Variants in B3GAT2 observed in about 807,000 individuals in gnomAD.
The protein encoded by B3GAT2 is beta-1,3-glucuronyltransferase 2.
In B3GAT2, 26 loss-of-function variants were observed where a neutral mutation model predicts 27.8. The ratio of observed to expected loss-of-function variants is 0.93; its 90% confidence interval spans 0.68 to 1.30. B3GAT2 has a LOEUF of 1.30. Among genes scored for constraint, B3GAT2 ranks in the 50% most tolerant of loss-of-function variants. The pLI is 0.00. For missense variants in B3GAT2, 458 were observed against 459.0 expected, an observed-to-expected ratio of 1.00 and a Z score of 0.02; for synonymous variants, 218 against 195.1, an observed-to-expected ratio of 1.12 and a Z score of -0.98.
At chr6:70,950,206 AT>A in intron 1 of B3GAT2, among the ~76,000 whole-genome samples, 1 of 151,880 alleles carries the variant, frequency 6.6e-6, no homozygotes, top group Non-Finnish European at 1.5e-5. Flanking sequence ...AAGTATAATA[AT>A]AATAAAATAA....
chr6:70,903,701 A>G (rs1399024897), intron 1 of B3GAT2, among the ~76,000 whole-genome samples: 1 of 152,196 alleles, frequency 6.6e-6, no homozygotes, highest in Non-Finnish European at 1.5e-5. Flanking sequence ...TAAAGCCACT[A>G]CTGACCCACC....
chr6:70,904,335 G>A (rs753121214), intron 1 of B3GAT2, among the ~76,000 whole-genome samples: 1 of 152,136 alleles, frequency 6.6e-6, no homozygotes, highest in Non-Finnish European at 1.5e-5. Context: ...TTTCGTTTAG[G>A]TAAACTATAC....
chr6:70,949,885 T>C (rs1260532094), intron 1 of B3GAT2, among the ~76,000 whole-genome samples: 1 of 152,062 alleles, frequency 6.6e-6, no homozygotes, highest in Non-Finnish European at 1.5e-5. Context: ...TAAAAAATGA[T>C]GAGTTCATGT....
chr6:70,947,394 G>C (rs1215787496), intron 1 of B3GAT2, among the ~76,000 whole-genome samples: 1 of 151,918 alleles, frequency 6.6e-6, no homozygotes, highest in Non-Finnish European at 1.5e-5. Context: ...AATGATAAAG[G>C]GGATATCACC....
intron 1 of B3GAT2, among the ~76,000 whole-genome samples, chr6:70,901,931 CAT>C (rs1397805415): frequency 6.6e-6 from 1 of 152,072 alleles, no homozygotes; most frequent in Non-Finnish European, 1.5e-5. Flanking sequence ...AACCATGAGA[CAT>C]GTGAGAAAGG....
chr6:70,900,404 C>T (rs866086557), intron 1 of B3GAT2, among the ~76,000 whole-genome samples: 5 of 130,526 alleles, frequency 3.8e-5, no homozygotes, highest in South Asian at 2.6e-4. Flanking sequence ...TAACAACAAC[C>T]GGCTCTTTTT....
chr6:70,939,894 T>A (rs982175140), intron 1 of B3GAT2, among the ~76,000 whole-genome samples: 1 of 151,858 alleles, frequency 6.6e-6, no homozygotes, highest in Non-Finnish European at 1.5e-5. Flanking sequence ...TAAAGTATAA[T>A]AATAATAAAA....
intron 2 of B3GAT2, among the ~76,000 whole-genome samples, chr6:70,876,545 T>A (rs1273685243): frequency 5.3e-5 from 8 of 152,232 alleles, no homozygotes; most frequent in African/African-American, 1.9e-4. Context: ...GCTATCATCT[T>A]ATACGGTTAT....
intron 1 of B3GAT2, among the ~76,000 whole-genome samples, chr6:70,919,041 G>A (rs1483224471): frequency 1.3e-5 from 2 of 152,122 alleles, no homozygotes; most frequent in Admixed American, 6.5e-5. Flanking sequence ...CCAATCAAAC[G>A]TAGATTTGGT....
intron 2 of B3GAT2, among the ~76,000 whole-genome samples, chr6:70,875,522 TG>T (rs1772001699): frequency 6.6e-6 from 1 of 152,236 alleles, no homozygotes; most frequent in South Asian, 2.1e-4. Flanking sequence ...TCATATGTCA[TG>T]AAGTGTTCTT....
At chr6:70,931,770 C>T (rs1325865079) in intron 1 of B3GAT2, among the ~76,000 whole-genome samples, 1 of 152,116 alleles carries the variant, frequency 6.6e-6, no homozygotes, top group Non-Finnish European at 1.5e-5. Context: ...AGATATATAA[C>T]ACCAAAAGCA....
chr6:70,945,447 G>A (rs1358911761), intron 1 of B3GAT2, among the ~76,000 whole-genome samples: 2 of 152,048 alleles, frequency 1.3e-5, no homozygotes, highest in Non-Finnish European at 2.9e-5. Context: ...AGGAGCTGAT[G>A]CGATCAACTG....
chr6:70,932,225 G>A (rs528510102), intron 1 of B3GAT2, among the ~76,000 whole-genome samples: 2 of 152,078 alleles, frequency 1.3e-5, no homozygotes, highest in Non-Finnish European at 2.9e-5. Flanking sequence ...TAACTGCTAT[G>A]GAAAACAGTA....
At position 70,857,487 on chromosome 6, in the gene B3GAT2, A is replaced by G. The variant is rs1008981964; in HGVS notation, c.*4176T>C. On this transcript the variant is annotated 3_prime_UTR_variant, in exon 4 of 4. Coordinates refer to ENST00000230053, the MANE Select transcript of B3GAT2 (RefSeq NM_080742.3). ...TTTAATCTTTCACACCATTTCCTTT[A>G]AAATAATGAGCTGCATTTCACATGT... is the stretch of plus-strand genomic sequence containing the variant. 1 of 171,020 alleles carries G rather than the reference A, an allele frequency of 5.8e-6. No individual in the cohort carries two copies. Among genetic ancestry groups the G allele is most frequent in the Non-Finnish European group, 1.3e-5 (1 of 79,616 alleles). 10.6% of individuals were successfully genotyped at this position (171,020 alleles called of 1,614,324 possible). A position where few individuals can be genotyped will look rare whatever the true frequency, so the allele number is the denominator to read the frequency against.
At chr6:70,930,075 A>G (rs1459931293) in intron 1 of B3GAT2, among the ~76,000 whole-genome samples, 1 of 152,224 alleles carries the variant, frequency 6.6e-6, no homozygotes, top group African/African-American at 2.4e-5. Context: ...AAACCTGACA[A>G]AAACAAGAAA....
chr6:70,891,748 TTGTGTGTGTGTG>T (rs147352529), intron 2 of B3GAT2, among the ~76,000 whole-genome samples: 9 of 144,644 alleles, frequency 6.2e-5, no homozygotes, highest in Admixed American at 2.8e-4. Flanking sequence ...AGAGCTCAGA[TTGTGTGTGTGTG>T]TGTGTGTGTG....
chr6:70,943,400 A>G lies in B3GAT2; in HGVS notation c.591+12439T>C, dbSNP rs1765423724. On this transcript the variant is annotated intron_variant, in intron 1 of 3. Transcript: ENST00000230053. ...TCCCAGAAGGAGCCATCTCAGCCAC[A>G]TTGGCTTCAGCGCAAATTGGCTCAG... 2.0e-5 allele frequency among the ~76,000 whole-genome samples: 3 copies of G among 152,162 alleles called. No homozygotes were observed. In the South Asian group the frequency reaches 6.2e-4, roughly 32 times the overall value.
rs1405889567 is a variant in B3GAT2 at position 70,861,918 on chromosome 6, C to G, written c.797G>C (p.Gly266Ala). The part of the protein sequence containing the change: ...SNPKAVFKRR[G>A]SQPGMQESDF... ...AGATTCTTGCATCCCTGGCTGGGAT[C>G]CACGACGCTTAAATACAGCTTTTGG... The change falls in exon 3 of 4, where the codon GGA (glycine) becomes GCA (alanine). Residue 266 changes from glycine (G) to alanine (A), a missense_variant. Transcript: ENST00000230053. 12 of 1,613,616 alleles carry G rather than the reference C, an allele frequency of 7.4e-6. No individual in the cohort carries two copies. The highest frequency in any genetic ancestry group is 1.0e-5 in the Non-Finnish European group (12 of 1,179,842).
At chr6:70,931,081 A>G (rs1773054811) in intron 1 of B3GAT2, among the ~76,000 whole-genome samples, 1 of 152,172 alleles carries the variant, frequency 6.6e-6, no homozygotes, top group African/African-American at 2.4e-5. Context: ...AACTATCTCA[A>G]GCACAGAAAA....
Sources: allele counts gnomAD v4.1 joint callset (sites outside exome capture counted in the v4.1 genomes callset), GRCh38; gene constraint gnomAD v4.1.1; transcripts MANE v1.5; gene names NCBI Gene and HGNC (gene_info 2026-07-23, HGNC 2026-07-21).